The following SCFD2 variants were observed in gnomAD, a reference collection of about 807,000 sequenced individuals.
The protein encoded by SCFD2 is sec1 family domain-containing protein 2.
A neutral mutation model predicts 58.9 loss-of-function variants in SCFD2; 54 were observed. The observed-to-expected ratio is 0.92, with a 90% CI of 0.74 to 1.15. SCFD2 has a LOEUF of 1.15. Among genes scored for constraint, SCFD2 ranks in the 50% most tolerant of loss-of-function variants. The pLI is 0.00. For synonymous variants in SCFD2, 321 were observed against 335.9 expected (o/e 0.96, Z 0.49); for missense variants, 805 against 836.6 (o/e 0.96, Z 0.47).
chr4:53,146,194 A>C (rs868567890), intron 4 of SCFD2, among the ~76,000 whole-genome samples: 1 of 151,996 alleles, frequency 6.6e-6, no homozygotes, highest in Non-Finnish European at 1.5e-5. Flanking sequence ...AAATTTAAAA[A>C]AATTGCCTTT....
intron 5 of SCFD2, among the ~76,000 whole-genome samples, chr4:53,051,060 T>C (rs1479016100): frequency 6.6e-6 from 1 of 152,150 alleles, no homozygotes; most frequent in Non-Finnish European, 1.5e-5. Flanking sequence ...TTTCTGTCCA[T>C]CTCCTGGCTA....
At chr4:52,887,929 AGTCTCGCTCT>A (rs1329298237) in intron 7 of SCFD2, among the ~76,000 whole-genome samples, 1 of 103,992 alleles carries the variant, frequency 9.6e-6, no homozygotes, top group Admixed American at 1.4e-4. Flanking sequence ...TTTGAGACGG[AGTCTCGCTCT>A]GTCGCCCAGG....
chr4:52,959,897 A>AACACACACACACACACAC (rs10529140), intron 5 of SCFD2, among the ~76,000 whole-genome samples: 2,953 of 138,132 alleles, frequency 0.021, 113 homozygotes, highest in African/African-American at 0.074. Context: ...TCCAAATTGA[A>AACACACACACACACACAC]ACACACACAC....
chr4:53,138,814 A>T (rs1048021839), intron 5 of SCFD2, among the ~76,000 whole-genome samples: 1 of 152,226 alleles, frequency 6.6e-6, no homozygotes, highest in Non-Finnish European at 1.5e-5. Context: ...AGAAACTGTC[A>T]AAAGTAAACT....
intron 5 of SCFD2, among the ~76,000 whole-genome samples, chr4:52,941,176 A>G (rs971447290): frequency 1.3e-5 from 2 of 152,154 alleles, no homozygotes; most frequent in Admixed American, 1.3e-4. Flanking sequence ...AAAATTAATT[A>G]AGCACATATT....
intron 5 of SCFD2, among the ~76,000 whole-genome samples, chr4:52,996,321 G>A (rs1382574124): frequency 1.3e-5 from 2 of 152,240 alleles, no homozygotes; most frequent in Non-Finnish European, 2.9e-5. Context: ...CGATAACAGA[G>A]CAATGATAAA....
chr4:53,082,378 G>T (rs1370041427), intron 5 of SCFD2, among the ~76,000 whole-genome samples: 2 of 152,040 alleles, frequency 1.3e-5, no homozygotes, highest in Non-Finnish European at 2.9e-5. Flanking sequence ...AGATGATGAT[G>T]ATTATTATAG....
intron 3 of SCFD2, among the ~76,000 whole-genome samples, chr4:53,288,286 A>G (rs1024562063): frequency 1.8e-4 from 28 of 152,272 alleles, no homozygotes; most frequent in African/African-American, 6.7e-4. Context: ...TATTCTCATT[A>G]TGGTAATTCC....
chr4:53,282,911 C>T (rs894409053), intron 3 of SCFD2, among the ~76,000 whole-genome samples: 6 of 152,052 alleles, frequency 3.9e-5, no homozygotes, highest in African/African-American at 1.4e-4. Flanking sequence ...AATCAGCTCC[C>T]ACCTCGATAA....
At chr4:53,088,384 C>T (rs1350014631) in intron 5 of SCFD2, among the ~76,000 whole-genome samples, 3 of 152,160 alleles carry the variant, frequency 2.0e-5, no homozygotes, top group East Asian at 3.9e-4. Flanking sequence ...CTGACAGAGC[C>T]GTGGGAGCAG....
At chr4:53,138,048 T>C (rs1296106385) in intron 5 of SCFD2, among the ~76,000 whole-genome samples, 2 of 152,174 alleles carry the variant, frequency 1.3e-5, no homozygotes, top group Admixed American at 6.5e-5. Context: ...TCATTGTCTA[T>C]GCACATGATG....
chr4:53,215,822 CAATACTT>C (rs1472097918), intron 4 of SCFD2, among the ~76,000 whole-genome samples: 3 of 152,014 alleles, frequency 2.0e-5, no homozygotes, highest in Non-Finnish European at 4.4e-5. Context: ...TACGTCCCAT[CAATACTT>C]AATTTATTGA....
At chr4:53,278,458 C>T (rs1169905565) in intron 3 of SCFD2, among the ~76,000 whole-genome samples, 1 of 151,634 alleles carries the variant, frequency 6.6e-6, no homozygotes, top group Admixed American at 6.6e-5. Context: ...AGGAGAATCA[C>T]TTGAACCTGG....
At chr4:52,989,900 C>T (rs1230146033) in intron 5 of SCFD2, among the ~76,000 whole-genome samples, 1 of 152,156 alleles carries the variant, frequency 6.6e-6, no homozygotes, top group Admixed American at 6.5e-5. Flanking sequence ...TTCTTTGACT[C>T]TCTTCCTCTG....
intron 4 of SCFD2, among the ~76,000 whole-genome samples, chr4:53,151,709 T>C (rs1726513016): frequency 6.6e-6 from 1 of 152,224 alleles, no homozygotes; most frequent in Non-Finnish European, 1.5e-5. Context: ...CAACTCATCG[T>C]GTTAGTCCAT....
At chr4:53,060,233 A>C (rs189932357) in intron 5 of SCFD2, among the ~76,000 whole-genome samples, 1 of 152,250 alleles carries the variant, frequency 6.6e-6, no homozygotes, top group Admixed American at 6.5e-5. Flanking sequence ...AGGCCCCATT[A>C]ATTCTACTTT....
intron 7 of SCFD2, among the ~76,000 whole-genome samples, chr4:52,905,949 C>T (rs1023190868): frequency 1.3e-5 from 2 of 152,166 alleles, no homozygotes; most frequent in African/African-American, 4.8e-5. Flanking sequence ...ATTGTAAAGT[C>T]CATTAGTGTA....
chr4:53,316,874 C>T (rs1214025682), intron 2 of SCFD2, among the ~76,000 whole-genome samples: 6 of 152,150 alleles, frequency 3.9e-5, no homozygotes, highest in African/African-American at 1.4e-4. Context: ...TTTTGGGAGG[C>T]CAAGGCAGGC....
At chr4:53,243,132 C>A (rs1322091767) in intron 4 of SCFD2, among the ~76,000 whole-genome samples, 1 of 152,014 alleles carries the variant, frequency 6.6e-6, no homozygotes, top group Non-Finnish European at 1.5e-5. Flanking sequence ...TGCAGAGAAC[C>A]CCAGGAAAAT....
Sources: allele counts gnomAD v4.1 joint callset (sites outside exome capture counted in the v4.1 genomes callset), GRCh38; gene constraint gnomAD v4.1.1; transcripts MANE v1.5; gene names NCBI Gene and HGNC (gene_info 2026-07-23, HGNC 2026-07-21).